BCAR1: variants seen among roughly 807,000 people sequenced by gnomAD.
BCAR1 encodes the protein BCAR1 scaffold protein, Cas family member.
Under a neutral mutation model 67.6 loss-of-function variants are expected in BCAR1, and 30 were observed. The observed-to-expected ratio is 0.44, with a 90% CI of 0.33 to 0.60. The LOEUF (loss-of-function observed/expected upper bound fraction) is 0.60. Among genes scored for constraint, BCAR1 ranks in the 20% least tolerant of loss-of-function variants. BCAR1 has a pLI of 0.02. For missense variants in BCAR1, 1,313 were observed against 1,222.3 expected, an observed-to-expected ratio of 1.07 and a Z score of -1.11; for synonymous variants, 626 against 556.7, an observed-to-expected ratio of 1.12 and a Z score of -1.75.
chr16:75,239,927 C>T (rs1347873441), intron 2 of BCAR1, among the ~76,000 whole-genome samples: 2 of 152,226 alleles, frequency 1.3e-5, no homozygotes, highest in East Asian at 1.9e-4. Context: ...TCCTTAGACA[C>T]TGACCAGGGG....
chr16:75,240,550 A>G (rs533615820), intron 2 of BCAR1, among the ~76,000 whole-genome samples: 1 of 152,364 alleles, frequency 6.6e-6, no homozygotes, highest in South Asian at 2.1e-4. Context: ...AATCTGTGAA[A>G]CACAGGGCAG....
intron 1 of BCAR1, chr16:75,245,964 C>CCTTTT (rs2077505756): frequency 2.0e-5 from 1 of 49,634 alleles, no homozygotes; most frequent in African/African-American, 7.6e-5. Flanking sequence ...TAGGATTGTT[C>CCTTTT]TTTTTTTTTT....
In BCAR1 at chr16:75,242,518, G is replaced by C. The variant is rs776690368; in HGVS notation, c.585C>G (p.Pro195=). 6 of 1,479,174 alleles carry C rather than the reference G, an allele frequency of 4.1e-6. No homozygotes were observed. Among genetic ancestry groups the C allele is most frequent in the Non-Finnish European group, 5.4e-6 (6 of 1,115,930 alleles). The allele number at this position is 1,479,174 out of a possible 1,614,324, so 91.6% of individuals were successfully genotyped here. A position where few individuals can be genotyped will look rare whatever the true frequency, so the allele number is the denominator to read the frequency against. ...AGMGHDIYQV[P]PSMDTRSWEG... ...CCCAGCTGCGTGTGTCCATGGACGG[G>C]GGGACCTGGTAGATGTCATGCCCCA... The change falls in exon 2 of 7, where the codon CCC becomes CCG. Residue 195 remains proline (P), a synonymous_variant. Coordinates refer to ENST00000162330, the MANE Select transcript of BCAR1 (RefSeq NM_014567.5).
Position 75,230,012 on chromosome 16 carries a change from A to C in BCAR1, c.2112T>G (p.Phe704Leu). 6.5e-7 allele frequency: 1 copy of C among 1,535,506 alleles called. No homozygotes were observed. The highest frequency in any genetic ancestry group is 1.3e-5 in the South Asian group (1 of 78,338). ...SQLELQQLKQ[F>L]ERLEQEVSRP... Reference sequence around the variant, plus strand: ...GTGACACCTCCTGTTCCAGTCGTTCAAACTGCTTCAGCTGGGGCAGGAGGG... The same window carrying C: ...GTGACACCTCCTGTTCCAGTCGTTCCAACTGCTTCAGCTGGGGCAGGAGGG... Residue 704 changes from phenylalanine to leucine, a missense_variant, in exon 7 of 7, where the codon TTT (phenylalanine) becomes TTG (leucine). By Grantham distance (22) the Phe-to-Leu change is conservative. Coordinates refer to ENST00000162330, the MANE Select transcript of BCAR1 (RefSeq NM_014567.5).
At chr16:75,241,919 G>A (rs1239750987) in intron 2 of BCAR1, among the ~76,000 whole-genome samples, 8 of 152,150 alleles carry the variant, frequency 5.3e-5, no homozygotes, top group Non-Finnish European at 1.0e-4. Context: ...AGGCTCTCAG[G>A]GCAGTCCTCC....
chr16:75,251,790 G>GC (rs1453726173), upstream of BCAR1: 8 of 414,980 alleles, frequency 1.9e-5, no homozygotes, highest in African/African-American at 1.6e-4. Flanking sequence ...CCCCCGCCCC[G>GC]CCCCCCACCT....
intron 1 of BCAR1, chr16:75,264,134 T>C (rs746125761): frequency 1.2e-5 from 16 of 1,300,556 alleles, no homozygotes; most frequent in Non-Finnish European, 1.5e-5. Flanking sequence ...CCCAGCCCGC[T>C]GTTCCTCTCT....
intron 6 of BCAR1, among the ~76,000 whole-genome samples, chr16:75,231,045 A>T (rs2076883246): frequency 6.6e-6 from 1 of 150,812 alleles, no homozygotes; most frequent in South Asian, 2.1e-4. Context: ...TTTTTTTTCA[A>T]TACTATTTTT....
intron 1 of BCAR1, among the ~76,000 whole-genome samples, chr16:75,257,762 G>A (rs965511397): frequency 6.6e-6 from 1 of 152,218 alleles, no homozygotes; most frequent in African/African-American, 2.4e-5. Context: ...TGGTGGAAAA[G>A]CAATGCTTTT....
intron 1 of BCAR1, chr16:75,250,816 G>C (rs1228096538): frequency 5.1e-6 from 5 of 985,448 alleles, no homozygotes; most frequent in Non-Finnish European, 6.0e-6. Context: ...ACTCGCGTGC[G>C]GCTAGGACTC....
Position 75,257,985 on chromosome 16 carries a change from T to C in BCAR1, c.66+9930A>G, listed in dbSNP as rs946432764. On this transcript the variant is annotated intron_variant, in intron 1 of 6. Transcript: ENST00000393422. ...GCTCAGGTTTCAGTTTGCCCATCTG[T>C]TAAATGTACCCATGACCAGCAGCCC... is the stretch of plus-strand genomic sequence containing the variant. 5.8e-4 allele frequency among the ~76,000 whole-genome samples: 89 copies of C among 152,198 alleles called. 6 individuals carry two copies. Among genetic ancestry groups the C allele is most frequent in the Non-Finnish European group, 7.3e-5 (5 of 68,028 alleles).
intron 1 of BCAR1, among the ~76,000 whole-genome samples, chr16:75,256,897 G>A (rs1418176985): frequency 6.6e-6 from 1 of 152,202 alleles, no homozygotes; most frequent in Non-Finnish European, 1.5e-5. Flanking sequence ...TCCTGGACCA[G>A]CGGCACCCCT....
At chr16:75,236,094 A>G in intron 4 of BCAR1, 108 bp from the exon 5 acceptor site, 1 of 1,397,940 alleles carries the variant, frequency 7.2e-7, no homozygotes, top group East Asian at 2.5e-5. Context: ...ACATACAGAC[A>G]CACACACAGA....
chr16:75,266,126 G>T (rs1236232090), intron 1 of BCAR1: 5 of 779,436 alleles, frequency 6.4e-6, no homozygotes, highest in African/African-American at 1.9e-5. Flanking sequence ...GGTCTCCTCC[G>T]CTCCTCGCCG....
chr16:75,265,741 G>C (rs1181553046), intron 1 of BCAR1: 71 of 1,189,062 alleles, frequency 6.0e-5, no homozygotes, highest in Non-Finnish European at 7.4e-5. Context: ...GAGCCAACGC[G>C]GCATCAGGCC....
Position 75,235,174 on chromosome 16 carries a change from GTCC to G in BCAR1, c.1722_1724del (p.Glu574del). 1 of 1,608,756 alleles carries G rather than the reference GTCC, an allele frequency of 6.2e-7. No individual in the cohort carries two copies. The highest frequency in any genetic ancestry group is 1.1e-5 in the South Asian group (1 of 91,064). On this transcript the variant is annotated inframe_deletion, in exon 5 of 7. Transcript: ENST00000162330. ...GCGAGCAGGCCACCAGCCGGTCCAGGTCCTCAAGGGTGGCTCCAGAGCCTCCCC... is the reference window on the plus strand; with the variant it reads ...GCGAGCAGGCCACCAGCCGGTCCAGGTCAAGGGTGGCTCCAGAGCCTCCCC...
At chr16:75,234,148 C>A (rs2077008116) in intron 5 of BCAR1, among the ~76,000 whole-genome samples, 1 of 143,288 alleles carries the variant, frequency 7.0e-6, no homozygotes, top group Admixed American at 7.3e-5. Flanking sequence ...CTGGCACGTG[C>A]AGGGGCAGGC....
chr16:75,238,462 C>G (rs2077218148), intron 2 of BCAR1: 1 of 1,020,492 alleles, frequency 9.8e-7, no homozygotes, highest in Admixed American at 5.7e-5. Flanking sequence ...GGCCCAGTGC[C>G]CCTGAACCCC....
intron 1 of BCAR1, chr16:75,266,590 G>A: frequency 1.7e-6 from 1 of 597,844 alleles, no homozygotes; most frequent in Non-Finnish European, 2.5e-6. Context: ...CTACCATGGT[G>A]CCCACACATG....
Sources: allele counts gnomAD v4.1 joint callset (sites outside exome capture counted in the v4.1 genomes callset), GRCh38; gene constraint gnomAD v4.1.1; transcripts MANE v1.5; gene names NCBI Gene and HGNC (gene_info 2026-07-23, HGNC 2026-07-21).